Variants in PTPRT observed in about 807,000 individuals in gnomAD.
PTPRT encodes the protein receptor-type tyrosine-protein phosphatase T.
In PTPRT, 56 loss-of-function variants were observed where a neutral mutation model predicts 176.8. The ratio of observed to expected loss-of-function variants is 0.32; its 90% CI spans 0.26 to 0.40. PTPRT has a LOEUF of 0.40. PTPRT is among the 10% of genes least tolerant of loss of function. The probability of loss-of-function intolerance (pLI) is 1.00; values close to 1 mark genes in which losing one functional copy is unlikely to be tolerated. For synonymous variants in PTPRT, 783 were observed against 739.0 expected (o/e 1.06, Z -0.96); for missense variants, 1,540 against 1,908.2 (o/e 0.81, Z 3.60).
chr20:42,522,403 T>C (rs999151465), intron 7 of PTPRT, among the ~76,000 whole-genome samples: 1 of 152,056 alleles, frequency 6.6e-6, no homozygotes. Context: ...GAAATAGTTC[T>C]CATCTGACTC....
chr20:42,642,674 A>G (rs1001220295), intron 7 of PTPRT, among the ~76,000 whole-genome samples: 3 of 152,170 alleles, frequency 2.0e-5, no homozygotes, highest in Non-Finnish European at 4.4e-5. Flanking sequence ...TTTAATACCA[A>G]TAATTCCCAA....
intron 1 of PTPRT, among the ~76,000 whole-genome samples, chr20:43,131,083 T>C (rs2013633502): frequency 1.3e-5 from 2 of 152,326 alleles, no homozygotes; most frequent in South Asian, 4.1e-4. Flanking sequence ...TCAATAACAC[T>C]GGCTTCTGTC....
intron 7 of PTPRT, among the ~76,000 whole-genome samples, chr20:42,531,133 C>T (rs889368892): frequency 1.2e-4 from 18 of 152,128 alleles, no homozygotes; most frequent in African/African-American, 4.1e-4. Flanking sequence ...CTGAAATTTC[C>T]GGAGTTAATA....
chr20:42,942,699 A>T (rs1310701115), intron 1 of PTPRT, among the ~76,000 whole-genome samples: 2 of 152,150 alleles, frequency 1.3e-5, no homozygotes, highest in African/African-American at 4.8e-5. Flanking sequence ...ATCTTCACTA[A>T]CTGTGGCTAA....
At chr20:42,699,465 G>A (rs950337050) in intron 6 of PTPRT, among the ~76,000 whole-genome samples, 3 of 148,448 alleles carry the variant, frequency 2.0e-5, no homozygotes, top group Non-Finnish European at 4.5e-5. Context: ...AGTCAAAAAT[G>A]TACATTAACT....
intron 15 of PTPRT, among the ~76,000 whole-genome samples, chr20:42,204,832 G>A (rs1024590254): frequency 6.6e-6 from 1 of 152,080 alleles, no homozygotes; most frequent in Non-Finnish European, 1.5e-5. Context: ...GCTACGAGAG[G>A]AGGAGTGCGT....
chr20:42,936,845 G>A (rs1980221196), intron 1 of PTPRT, among the ~76,000 whole-genome samples: 1 of 152,214 alleles, frequency 6.6e-6, no homozygotes, highest in South Asian at 2.1e-4. Context: ...GAACAGAATT[G>A]AAGATTCGTT....
At chr20:42,439,978 C>T (rs1435211564) in intron 9 of PTPRT, among the ~76,000 whole-genome samples, 2 of 152,166 alleles carry the variant, frequency 1.3e-5, no homozygotes, top group South Asian at 4.1e-4. Flanking sequence ...ATGATCTCAA[C>T]TCACTGCAAC....
chr20:42,733,567 C>A (rs1252171594), intron 6 of PTPRT, among the ~76,000 whole-genome samples: 3 of 152,176 alleles, frequency 2.0e-5, no homozygotes, highest in Admixed American at 1.3e-4. Flanking sequence ...CTGGAGCTGG[C>A]TGGGGAGCTC....
chr20:42,651,782 C>T (rs1432225863), intron 7 of PTPRT, among the ~76,000 whole-genome samples: 2 of 152,170 alleles, frequency 1.3e-5, no homozygotes, highest in Non-Finnish European at 2.9e-5. Context: ...CACAGTGGCT[C>T]ATGCCTATAA....
chr20:42,641,929 T>C (rs2074764394), intron 7 of PTPRT, among the ~76,000 whole-genome samples: 1 of 152,146 alleles, frequency 6.6e-6, no homozygotes, highest in Admixed American at 6.5e-5. Flanking sequence ...TAGAGTGCCC[T>C]CTTCCAAGAG....
At chr20:42,601,614 G>A (rs1251116495) in intron 7 of PTPRT, among the ~76,000 whole-genome samples, 5 of 152,108 alleles carry the variant, frequency 3.3e-5, no homozygotes, top group Non-Finnish European at 5.9e-5. Context: ...ATAAGAGTTC[G>A]TTAGGGATGG....
At chr20:42,462,622 G>C (rs1234826877) in intron 8 of PTPRT, among the ~76,000 whole-genome samples, 1 of 152,136 alleles carries the variant, frequency 6.6e-6, no homozygotes, top group Non-Finnish European at 1.5e-5. Flanking sequence ...AAGAGATGTG[G>C]TCAGAGTGAA....
At chr20:42,314,539 A>C (rs1008386350) in intron 12 of PTPRT, among the ~76,000 whole-genome samples, 7 of 148,878 alleles carry the variant, frequency 4.7e-5, no homozygotes, top group Admixed American at 4.1e-4. Flanking sequence ...AAAAAAAAAA[A>C]AAAGAAAGAA....
At chr20:42,964,582 G>A (rs1982190624) in intron 1 of PTPRT, among the ~76,000 whole-genome samples, 1 of 152,026 alleles carries the variant, frequency 6.6e-6, no homozygotes, top group Admixed American at 6.5e-5. Context: ...TTTAAGTCCT[G>A]ACAGATCAAA....
At chr20:42,404,987 TACACACAC>T (rs1420147226) in intron 9 of PTPRT, among the ~76,000 whole-genome samples, 21 of 135,834 alleles carry the variant, frequency 1.5e-4, no homozygotes, top group South Asian at 2.2e-4. Context: ...TATATATATA[TACACACAC>T]ACACAAATAT....
At chr20:42,140,536 T>C (rs544155391) in intron 18 of PTPRT, among the ~76,000 whole-genome samples, 11 of 152,294 alleles carry the variant, frequency 7.2e-5, no homozygotes, top group Admixed American at 2.0e-4. Flanking sequence ...CAGAACTGAA[T>C]ACCATGCACC....
chr20:42,295,043 A>T lies in PTPRT; in HGVS notation c.2140-12518T>A, dbSNP rs1052903953. On this transcript the variant is annotated intron_variant, in intron 12 of 30. Transcript: ENST00000373187. Reference sequence around the variant, plus strand: ...AAATTTCTGAGCAGAGAGACAAAATAGGTAGGTAAATATTTTATGACAATA... The same window carrying T: ...AAATTTCTGAGCAGAGAGACAAAATTGGTAGGTAAATATTTTATGACAATA... Among the ~76,000 whole-genome samples, 11 of 152,280 alleles carry T rather than the reference A, an allele frequency of 7.2e-5. No individual in the cohort carries two copies. In the East Asian group the frequency reaches 1.2e-3, roughly 16 times the overall value.
intron 7 of PTPRT, among the ~76,000 whole-genome samples, chr20:42,590,927 CGTGTGTGTGTGTGTGTGTGT>C (rs11468131): frequency 4.6e-5 from 6 of 130,996 alleles, no homozygotes; most frequent in Admixed American, 2.3e-4. Context: ...AGAGATTTAG[CGTGTGTGTGTGTGTGTGTGT>C]GTGTGTGTGT....
Sources: gnomAD v4.1 joint callset for allele counts (sites outside exome capture counted in the v4.1 genomes callset) on GRCh38, gnomAD v4.1.1 for gene constraint, MANE v1.5 for transcripts, NCBI Gene and HGNC (gene_info 2026-07-23, HGNC 2026-07-21) for gene names.